Variants in WTIP observed in about 807,000 individuals in gnomAD.
WTIP encodes the protein WT1 interacting protein, also known as Wilms tumor protein 1-interacting protein.
Under a neutral mutation model 41.7 loss-of-function variants are expected in WTIP, and 23 were observed. The ratio of observed to expected loss-of-function variants is 0.55; its 90% confidence interval spans 0.40 to 0.78. WTIP has a LOEUF of 0.78. WTIP is among the 30% of genes least tolerant of loss of function. The probability of loss-of-function intolerance (pLI) is 0.00; values close to 1 mark genes in which losing one functional copy is unlikely to be tolerated. For synonymous variants in WTIP, 314 were observed against 269.9 expected (o/e 1.16, Z -1.60); for missense variants, 619 against 610.5 (o/e 1.01, Z -0.15).
In WTIP at chr19:34,493,319, G is replaced by C; in HGVS notation, c.894G>C (p.Met298Ile). The change falls in exon 4 of 8, where the codon ATG (methionine) becomes ATC (isoleucine). Residue 298 changes from methionine (M) to isoleucine (I), a missense_variant. Physicochemically the swap from Met to Ile is conservative, Grantham distance 10. This residue lies in a region of WTIP where 164 missense variants were observed against 219.1 expected (regional missense o/e 0.75). Transcript: ENST00000590071. This position sits in a 1 kb window ranked among gnomAD's most constrained non-coding sequence, Gnocchi z 4.1. ...DKCSVCGHLI[M>I]EMILQALGKS... is the part of the protein sequence containing the mutation. ...GCAGCGTGTGTGGACATCTCATCAT[G>C]GAAATGGTGAGCCCCTGCCCCAGCC... 1.9e-6 allele frequency: 3 copies of C among 1,612,736 alleles called. No individual in the cohort carries two copies. Among genetic ancestry groups the C allele is most frequent in the East Asian group, 4.5e-5 (2 of 44,848 alleles).
chr19:34,497,549 G>A (rs34394023), intron 7 of WTIP, among the ~76,000 whole-genome samples: 1 of 152,128 alleles, frequency 6.6e-6, no homozygotes, highest in African/African-American at 2.4e-5. Context: ...GGATAGCTCA[G>A]GGAGCACTGT....
rs775073328 is a variant in WTIP, at chr19:34,511,831, T to C, written c.*11562T>C. 4 of 152,214 alleles carry C rather than the reference T, an allele frequency of 2.6e-5. No individual in the cohort carries two copies. Among genetic ancestry groups the C allele is most frequent in the Non-Finnish European group, 5.9e-5 (4 of 68,032 alleles). The allele number at this position is 152,214 out of a possible 1,614,324, so 9.4% of individuals were successfully genotyped here. On this transcript the variant is annotated 3_prime_UTR_variant, in exon 8 of 8. Coordinates refer to ENST00000590071, the MANE Select transcript of WTIP (RefSeq NM_001080436.2). ...TGCCTGTGAATGTCCTTTTCCCAGT[T>C]TACTAGTTTGGGATTGAATATTCTT... is the stretch of plus-strand genomic sequence containing the variant.
At chr19:34,490,554 C>A in intron 2 of WTIP, 77 bp downstream of exon 2, 2 of 1,401,630 alleles carry the variant, frequency 1.4e-6, no homozygotes, top group South Asian at 1.2e-5. Flanking sequence ...AACTGCCTTG[C>A]CCCTGAGTCC....
At chr19:34,484,835 T>G (rs879897439) in intron 1 of WTIP, among the ~76,000 whole-genome samples, 3 of 146,272 alleles carry the variant, frequency 2.1e-5, no homozygotes, top group Non-Finnish European at 3.0e-5. Flanking sequence ...GAGGCTGAGG[T>G]GGGAGGAGCA....
chr19:34,500,263 GCT>G lies in WTIP; in HGVS notation c.1290_1291del (p.Ter431SerfsTer89). The G allele has an allele frequency of 6.2e-7, 1 of 1,607,042 alleles. No individual in the cohort carries two copies. ...LPSPTVHVTE[L>X] Reference sequence around the variant, plus strand: ...CCTCACCCACTGTGCACGTCACTGAGCTCTGAGCAGGGGAAAACCCGTCCCTG... The same window carrying G: ...CCTCACCCACTGTGCACGTCACTGAGCTGAGCAGGGGAAAACCCGTCCCTG... On this transcript the variant is annotated frameshift_variant, in exon 8 of 8. Coordinates refer to ENST00000590071, the MANE Select transcript of WTIP (RefSeq NM_001080436.2). LOFTEE classifies it high-confidence loss of function.
At chr19:34,489,023 C>A (rs2075811895) in intron 1 of WTIP, among the ~76,000 whole-genome samples, 1 of 151,140 alleles carries the variant, frequency 6.6e-6, no homozygotes, top group Non-Finnish European at 1.5e-5. Context: ...CATGGTGAAA[C>A]CCTATCTCTA....
In WTIP at chr19:34,493,841, C is replaced by A. The variant is rs540163401; in HGVS notation, c.1031+219C>A. Among the ~76,000 whole-genome samples, 1 of 152,040 alleles carries A rather than the reference C, an allele frequency of 6.6e-6. No homozygotes were observed. Among genetic ancestry groups the A allele is most frequent in the Non-Finnish European group, 1.5e-5 (1 of 68,004 alleles). The stretch of plus-strand genomic sequence containing the variant: ...TGTCTTTTGCCTCTTCTCTCCCTAT[C>A]GTGGCCTGCATGCTTCTCTACTCCT... On this transcript the variant is annotated intron_variant, in intron 5 of 7. Coordinates refer to ENST00000590071, the MANE Select transcript of WTIP (RefSeq NM_001080436.2). The surrounding 1 kb of genome is among the most constrained non-coding windows in gnomAD (Gnocchi z 4.1).
chr19:34,493,819 CTT>C lies in WTIP; in HGVS notation c.1031+200_1031+201del, dbSNP rs928538680. ...TCCTGGTGGTCCGGCCACCAGCTGT[CTT>C]TTGCCTCTTCTCTCCCTATCGTGGC... On this transcript the variant is annotated intron_variant, in intron 5 of 7. Transcript: ENST00000590071. This position sits in a 1 kb window ranked among gnomAD's most constrained non-coding sequence, Gnocchi z 4.1. Among the ~76,000 whole-genome samples the C allele has an allele frequency of 2.0e-5, 3 of 152,096 alleles. No homozygotes were observed. Among genetic ancestry groups the C allele is most frequent in the Admixed American group, 2.0e-4 (3 of 15,278 alleles).
At chr19:34,497,361 T>A (rs144500115) in intron 7 of WTIP, among the ~76,000 whole-genome samples, 2 of 152,062 alleles carry the variant, frequency 1.3e-5, no homozygotes, top group East Asian at 3.9e-4. Flanking sequence ...GGTCTGAGAG[T>A]CACTGTCATC....
intron 1 of WTIP, among the ~76,000 whole-genome samples, chr19:34,489,197 T>TAAAA (rs57433723): frequency 0.092 from 5,676 of 61,824 alleles, 848 homozygotes; most frequent in East Asian, 0.41. Context: ...AGACTCTATC[T>TAAAA]AAAAAAAAAA....
intron 2 of WTIP, among the ~76,000 whole-genome samples, chr19:34,492,242 A>G (rs2075829170): frequency 6.7e-6 from 1 of 149,526 alleles, no homozygotes; most frequent in Non-Finnish European, 1.5e-5. Flanking sequence ...CCCCACAATG[A>G]GTAGTGGGAC....
intron 1 of WTIP, 24 bp downstream of exon 1, chr19:34,482,665 TC>T (rs2075775028): frequency 8.2e-7 from 1 of 1,225,668 alleles, no homozygotes; most frequent in Non-Finnish European, 1.0e-6. Flanking sequence ...GCCCGGCAGT[TC>T]CCTGCGCGCA....
intron 6 of WTIP, among the ~76,000 whole-genome samples, chr19:34,494,946 G>A (rs940997025): frequency 1.1e-4 from 16 of 152,252 alleles, no homozygotes; most frequent in African/African-American, 3.6e-4. Flanking sequence ...AGGTGGGGGT[G>A]CTGGGGGAGC....
rs1188199341 is a variant in WTIP at position 34,493,122 on chromosome 19, C to T, written c.837+18C>T. On this transcript the variant is annotated intron_variant, in intron 3 of 7. Coordinates refer to ENST00000590071, the MANE Select transcript of WTIP (RefSeq NM_001080436.2). This position sits in a 1 kb window ranked among gnomAD's most constrained non-coding sequence, Gnocchi z 4.1. ...ACTTCCTGGTGAGTCCAAGCTGTGC[C>T]CTGGCAGTGCCAGGGGTGGGAGGTG... 1.2e-6 allele frequency: 2 copies of T among 1,613,922 alleles called. No individual in the cohort carries two copies. Among genetic ancestry groups the T allele is most frequent in the Non-Finnish European group, 1.7e-6 (2 of 1,179,854 alleles).
At chr19:34,496,841 C>G (rs1246259333) in intron 7 of WTIP, among the ~76,000 whole-genome samples, 1 of 151,904 alleles carries the variant, frequency 6.6e-6, no homozygotes, top group East Asian at 1.9e-4. Context: ...TTTGGGGTCA[C>G]TGGCGTGTGG....
chr19:34,500,399 C>A lies in WTIP; in HGVS notation c.*130C>A. 8.0e-7 allele frequency: 1 copy of A among 1,254,446 alleles called. No homozygotes were observed. Among genetic ancestry groups the A allele is most frequent in the Middle Eastern group, 2.5e-4 (1 of 4,020 alleles). 77.7% of individuals were successfully genotyped at this position (1,254,446 alleles called of 1,614,324 possible). ...CCACCGAGCTGCTGTCTGCAGGGGC[C>A]GGACCCCCGCGTGGAAGCTTCTATT... On this transcript the variant is annotated 3_prime_UTR_variant, in exon 8 of 8. Coordinates refer to ENST00000590071, the MANE Select transcript of WTIP (RefSeq NM_001080436.2).
Position 34,493,284 on chromosome 19 carries a change from GCC to G in WTIP, c.860_861del (p.Ala287GlyfsTer34). The G allele has an allele frequency of 6.2e-7, 1 of 1,613,562 alleles. No individual in the cohort carries two copies. Among genetic ancestry groups the G allele is most frequent in the South Asian group, 1.1e-5 (1 of 91,024 alleles). ...CCAGTACTCCGGGTTCCAGCAGACG[GCC>G]GACAAATGCAGCGTGTGTGGACATC... ...DFLYSGFQQT[A>X]DKCSVCGHLI... is the part of the protein sequence containing the mutation. On this transcript the variant is annotated frameshift_variant, in exon 4 of 8. Coordinates refer to ENST00000590071, the MANE Select transcript of WTIP (RefSeq NM_001080436.2). LOFTEE classifies it high-confidence loss of function. This position sits in a 1 kb window ranked among gnomAD's most constrained non-coding sequence, Gnocchi z 4.1.
rs750574058 is a variant in WTIP at position 34,493,021 on chromosome 19, A to G, written c.770-16A>G. The G allele has an allele frequency of 3.7e-6, 6 of 1,613,674 alleles. No homozygotes were observed. The highest frequency in any genetic ancestry group is 2.7e-5 in the African/African-American group (2 of 74,900). On this transcript the variant is annotated splice_polypyrimidine_tract_variant and intron_variant, in intron 2 of 7. Transcript: ENST00000590071. The surrounding 1 kb of genome is among the most constrained non-coding windows in gnomAD (Gnocchi z 4.1). ...CCCAGCGTTCCAGGGACCCCTCTCA[A>G]CCCTCACCCTTGCAGGGAGACGACT...
intron 1 of WTIP, among the ~76,000 whole-genome samples, chr19:34,489,650 T>C (rs1044300358): frequency 2.0e-5 from 3 of 152,138 alleles, no homozygotes; most frequent in South Asian, 2.1e-4. Context: ...GGTATAAAGA[T>C]ACCATGATAG....
Sources: allele counts gnomAD v4.1 joint callset (sites outside exome capture counted in the v4.1 genomes callset), GRCh38; gene constraint gnomAD v4.1.1; regional missense constraint gnomAD v4.1.1; non-coding constraint Gnocchi (gnomAD v3.1); transcripts MANE v1.5; gene names NCBI Gene and HGNC (gene_info 2026-07-23, HGNC 2026-07-21).